Variants in NSL1 observed in about 807,000 individuals in gnomAD.
NSL1 encodes kinetochore-associated protein NSL1 homolog.
NSL1 carries 11 observed loss-of-function variants against 25.4 expected under a neutral mutation model. That is an observed-to-expected ratio of 0.43 (90% CI 0.27 to 0.72). The LOEUF (loss-of-function observed/expected upper bound fraction) is 0.72, where lower values mean the gene tolerates loss of function less well. Ranked by LOEUF, NSL1 falls within the 30% of genes least tolerant of loss-of-function variation. The pLI is 0.19. For synonymous variants in NSL1, 118 were observed against 120.6 expected, an observed-to-expected ratio of 0.98 and a Z score of 0.14; for missense variants, 330 against 342.7, an observed-to-expected ratio of 0.96 and a Z score of 0.29.
chr1:212,745,069 G>A (rs1202278029), intron 4 of NSL1, among the ~76,000 whole-genome samples: 4 of 151,554 alleles, frequency 2.6e-5, no homozygotes, highest in South Asian at 2.1e-4. Context: ...CTGGGAGGCC[G>A]AGGTTGCAGT....
intron 4 of NSL1, among the ~76,000 whole-genome samples, chr1:212,759,122 T>A (rs1558049576): frequency 1.3e-5 from 2 of 152,236 alleles, no homozygotes; most frequent in Non-Finnish European, 2.9e-5. Context: ...TAAATCTTTA[T>A]ACTTTTATAT....
At chr1:212,743,663 A>G (rs1483868577) in intron 4 of NSL1, among the ~76,000 whole-genome samples, 1 of 152,126 alleles carries the variant, frequency 6.6e-6, no homozygotes, top group African/African-American at 2.4e-5. Context: ...GGAGATTCCA[A>G]AGGCCCATCC....
At position 212,730,272 on chromosome 1, in the gene NSL1, C is replaced by T. The variant is rs1657965073; in HGVS notation, c.*8136G>A. The T allele has an allele frequency of 1.6e-5, 13 of 834,974 alleles. No individual in the cohort carries two copies. The highest frequency in any genetic ancestry group is 1.7e-5 in the Non-Finnish European group (12 of 708,496). The allele number at this position is 834,974 out of a possible 1,614,324, so 51.7% of individuals were successfully genotyped here. A position where few individuals can be genotyped will look rare whatever the true frequency, so the allele number is the denominator to read the frequency against. On this transcript the variant is annotated 3_prime_UTR_variant, in exon 6 of 6. Coordinates refer to ENST00000366977, the MANE Select transcript of NSL1 (RefSeq NM_015471.4). ...AAAAAAAAAAAAAAAAAAAGAAATG[C>T]GCCAAGTCTCAGGTATTTATGGACT...
At chr1:212,742,126 C>T (rs1219344628) in intron 4 of NSL1, among the ~76,000 whole-genome samples, 1 of 152,132 alleles carries the variant, frequency 6.6e-6, no homozygotes, top group African/African-American at 2.4e-5. Context: ...TATTTCTACA[C>T]ATATAAATAG....
intron 1 of NSL1, among the ~76,000 whole-genome samples, chr1:212,788,937 G>A (rs1469551196): frequency 6.6e-6 from 1 of 152,094 alleles, no homozygotes; most frequent in Non-Finnish European, 1.5e-5. Flanking sequence ...GAGAGAAAGA[G>A]GTAAAGCCAC....
chr1:212,762,780 A>G (rs374623442), intron 4 of NSL1, among the ~76,000 whole-genome samples: 2 of 152,220 alleles, frequency 1.3e-5, no homozygotes, highest in South Asian at 2.1e-4. Flanking sequence ...ACGCAGCAGC[A>G]TGAAGTGCCT....
rs199563938 is a variant in NSL1, at chr1:212,791,591, T to C, written c.173A>G (p.Gln58Arg). 3.7e-5 allele frequency: 60 copies of C among 1,613,906 alleles called. No homozygotes were observed. The East Asian group carries it at 1.2e-3, about 32-fold the overall frequency. The change falls in exon 1 of 6, where the codon CAA (glutamine) becomes CGA (arginine). Residue 58 changes from glutamine (Q) to arginine (R), a missense_variant. Transcript: ENST00000366977. ...CTCCGGCAGAGCGTCCCCGAGCTTT[T>C]GCACGAAGCGGCCGCACAGTTGTAG... ...EMLQLCGRFV[Q>R]KLGDALPEEI...
At position 212,735,202 on chromosome 1, in the gene NSL1, G is replaced by C. The variant is rs552632696; in HGVS notation, c.*3206C>G. On this transcript the variant is annotated 3_prime_UTR_variant, in exon 6 of 6. Transcript: ENST00000366977. ...ATCTCTGACTTTTGATCATAGACAG[G>C]TTAAGTAACTTGTCCAATATCATTG... The C allele has an allele frequency of 2.9e-5, 17 of 589,738 alleles. No homozygotes were observed. Among genetic ancestry groups the C allele is most frequent in the African/African-American group, 2.8e-4 (14 of 49,512 alleles). The allele number at this position is 589,738 out of a possible 1,614,324, so 36.5% of individuals were successfully genotyped here.
At chr1:212,764,138 A>G (rs1659691660) in intron 4 of NSL1, 1 of 243,566 alleles carries the variant, frequency 4.1e-6, no homozygotes, top group Non-Finnish European at 8.4e-6. Context: ...TCTCAAAATT[A>G]TACAAATACA....
At chr1:212,787,506 A>AT in intron 2 of NSL1, 53 bp downstream of exon 2, 1 of 1,367,900 alleles carries the variant, frequency 7.3e-7, no homozygotes, top group Non-Finnish European at 1.0e-6. Context: ...TCAAAACAAA[A>AT]TTAGCTGCAA....
intron 4 of NSL1, among the ~76,000 whole-genome samples, chr1:212,776,058 G>A (rs1660351380): frequency 1.3e-5 from 2 of 152,078 alleles, no homozygotes; most frequent in Admixed American, 6.5e-5. Flanking sequence ...CTCGTGATCC[G>A]CCCACCTCGG....
chr1:212,749,758 C>T (rs11120010), intron 4 of NSL1, among the ~76,000 whole-genome samples: 34,353 of 151,664 alleles, frequency 0.23, 4,596 homozygotes, highest in African/African-American at 0.38. Context: ...TGCTGAACAA[C>T]AGCTGTTTTC....
At chr1:212,769,273 G>A (rs1260769802) in intron 4 of NSL1, among the ~76,000 whole-genome samples, 1 of 152,094 alleles carries the variant, frequency 6.6e-6, no homozygotes, top group Non-Finnish European at 1.5e-5. Context: ...TCAAAATTCT[G>A]CAAATAGATT....
intron 4 of NSL1, among the ~76,000 whole-genome samples, chr1:212,750,474 A>ACCAGGCCTAGACAGCAG (rs1182504156): frequency 1.3e-5 from 2 of 152,194 alleles, no homozygotes; most frequent in African/African-American, 4.8e-5. Context: ...AAAATTTTGC[A>ACCAGGCCTAGACAGCAG]CCAGGCCTAG....
In NSL1 at chr1:212,729,194, C is replaced by T; in HGVS notation, c.*9214G>A. The T allele has an allele frequency of 1.0e-6, 1 of 985,424 alleles. No individual in the cohort carries two copies. The highest frequency in any genetic ancestry group is 5.2e-4 in the Middle Eastern group (1 of 1,914). 61.0% of individuals were successfully genotyped at this position (985,424 alleles called of 1,614,324 possible). On this transcript the variant is annotated 3_prime_UTR_variant, in exon 6 of 6. Coordinates refer to ENST00000366977, the MANE Select transcript of NSL1 (RefSeq NM_015471.4). ...AGGTAATTCCACAGAAGTTTCCAAACCCATGAGTTTCACTCTCAGGTTCCC... is the reference window on the plus strand; with the variant it reads ...AGGTAATTCCACAGAAGTTTCCAAATCCATGAGTTTCACTCTCAGGTTCCC...
chr1:212,731,179 GA>G lies in NSL1; in HGVS notation c.*7228del, dbSNP rs71147020. 0.04 allele frequency: 36,859 copies of G among 923,286 alleles called. 782 individuals are homozygous for G. The highest frequency in any genetic ancestry group is 0.048 in the Admixed American group (470 of 9,754). The allele number at this position is 923,286 out of a possible 1,614,324, so 57.2% of individuals were successfully genotyped here. A position where few individuals can be genotyped will look rare whatever the true frequency, so the allele number is the denominator to read the frequency against. On this transcript the variant is annotated 3_prime_UTR_variant, in exon 6 of 6. Transcript: ENST00000366977. The stretch of plus-strand genomic sequence containing the variant: ...AATCTATTTGCAAAACAAATGGTCA[GA>G]GGGGAGAAAAAAAAAAAAACCTGAA...
intron 4 of NSL1, among the ~76,000 whole-genome samples, chr1:212,778,226 A>C (rs1320666871): frequency 1.3e-5 from 2 of 152,180 alleles, no homozygotes; most frequent in African/African-American, 4.8e-5. Context: ...ATCCTGTTTT[A>C]TGTTCATCTT....
chr1:212,764,868 AAAAG>A (rs1659731813), intron 4 of NSL1, among the ~76,000 whole-genome samples: 4 of 138,138 alleles, frequency 2.9e-5, no homozygotes, highest in Admixed American at 1.4e-4. Context: ...AAAAAAAAAA[AAAAG>A]AAAGAAAGAA....
At chr1:212,769,512 G>GA (rs1332826803) in intron 4 of NSL1, among the ~76,000 whole-genome samples, 1 of 152,122 alleles carries the variant, frequency 6.6e-6, no homozygotes, top group Non-Finnish European at 1.5e-5. Context: ...ATTATTCCCA[G>GA]AAAAGCTATC....
Sources: allele counts gnomAD v4.1 joint callset (sites outside exome capture counted in the v4.1 genomes callset), GRCh38; gene constraint gnomAD v4.1.1; transcripts MANE v1.5; gene names NCBI Gene and HGNC (gene_info 2026-07-23, HGNC 2026-07-21).